The following CLEC6A variants were observed in gnomAD, a reference collection of about 807,000 sequenced individuals.
CLEC6A encodes the protein C-type lectin domain containing 6A.
In CLEC6A, 22 loss-of-function variants were observed where a neutral mutation model predicts 25.7. The ratio of observed to expected loss-of-function variants is 0.85; its 90% confidence interval spans 0.61 to 1.22. The LOEUF is 1.22. Ranked by LOEUF, CLEC6A falls within the 50% of genes most tolerant of loss-of-function variation. CLEC6A has a pLI of 0.00. For missense variants in CLEC6A, 240 were observed against 236.8 expected (o/e 1.01, Z -0.09); for synonymous variants, 92 against 76.7 (o/e 1.20, Z -1.04).
At chr12:8,471,154 G>A (rs890752260) in intron 4 of CLEC6A, among the ~76,000 whole-genome samples, 5 of 151,960 alleles carry the variant, frequency 3.3e-5, no homozygotes, top group African/African-American at 1.2e-4. Context: ...GTTTGTCATT[G>A]TGTGTAACCC....
At chr12:8,465,452 TCA>T (rs1283394830) in intron 3 of CLEC6A, 30 bp from the exon 4 acceptor site, 11 of 1,611,662 alleles carry the variant, frequency 6.8e-6, no homozygotes, top group Non-Finnish European at 9.3e-6. Flanking sequence ...TATCTTGCAC[TCA>T]CTCTTTTTTT....
At chr12:8,459,446 C>G in intron 2 of CLEC6A, 151 bp from the exon 3 acceptor site, 1 of 552,078 alleles carries the variant, frequency 1.8e-6, no homozygotes, top group Non-Finnish European at 3.3e-6. Flanking sequence ...TAAGTGAATA[C>G]AAGCAAATAA....
At chr12:8,468,142 C>A (rs900575319) in intron 4 of CLEC6A, among the ~76,000 whole-genome samples, 1 of 152,088 alleles carries the variant, frequency 6.6e-6, no homozygotes, top group African/African-American at 2.4e-5. Flanking sequence ...AGGGTTTCAC[C>A]ATGTTGGCCA....
chr12:8,460,320 T>TC (rs1440605685), intron 3 of CLEC6A, among the ~76,000 whole-genome samples: 1 of 152,164 alleles, frequency 6.6e-6, no homozygotes, highest in African/African-American at 2.4e-5. Flanking sequence ...AAGGTGAAAG[T>TC]CACATCTCAC....
At chr12:8,456,234 A>C in intron 1 of CLEC6A, 92 bp downstream of exon 1, 1 of 1,291,850 alleles carries the variant, frequency 7.7e-7, no homozygotes, top group Non-Finnish European at 1.1e-6. Flanking sequence ...CAGATTGAAG[A>C]GCTAGTGATT....
chr12:8,467,656 T>G (rs1419534603), intron 4 of CLEC6A, among the ~76,000 whole-genome samples: 1 of 152,222 alleles, frequency 6.6e-6, no homozygotes, highest in African/African-American at 2.4e-5. Flanking sequence ...TTCAAGGTTA[T>G]TTTGGCTATT....
intron 4 of CLEC6A, among the ~76,000 whole-genome samples, chr12:8,470,156 A>G (rs1458018239): frequency 1.3e-5 from 2 of 152,284 alleles, no homozygotes; most frequent in South Asian, 2.1e-4. Flanking sequence ...AAGAAGATAT[A>G]CAAATGACCA....
chr12:8,477,346 A>T lies in CLEC6A; in HGVS notation c.512A>T (p.His171Leu). Residue 171 changes from histidine to leucine, a missense_variant, in exon 6 of 6, where the codon CAT (histidine) becomes CTT (leucine). Physicochemically the swap from His to Leu is moderately conservative, Grantham distance 99. Transcript: ENST00000382073. ...VRFWHLGEPN[H>L]SAEQCASIVF... ...TTTTGGCACCTAGGTGAGCCCAATC[A>T]TTCTGCAGAGCAATGTGCTTCAATA... The T allele has an allele frequency of 6.2e-7, 1 of 1,611,458 alleles. No individual in the cohort carries two copies. Among genetic ancestry groups the T allele is most frequent in the Non-Finnish European group, 8.5e-7 (1 of 1,178,518 alleles).
At chr12:8,461,398 A>G (rs532751776) in intron 3 of CLEC6A, among the ~76,000 whole-genome samples, 3 of 152,228 alleles carry the variant, frequency 2.0e-5, no homozygotes, top group Non-Finnish European at 4.4e-5. Flanking sequence ...ATTTTCCTGG[A>G]AACAACAATG....
chr12:8,468,170 T>G (rs1247641023), intron 4 of CLEC6A, among the ~76,000 whole-genome samples: 1 of 152,212 alleles, frequency 6.6e-6, no homozygotes, highest in African/African-American at 2.4e-5. Context: ...CTTGAACTCC[T>G]GACTTCAAGT....
At chr12:8,461,295 G>T in intron 3 of CLEC6A, 2 of 541,348 alleles carry the variant, frequency 3.7e-6, no homozygotes, top group Non-Finnish European at 3.3e-6. Context: ...AAAAAAACAA[G>T]AAAAGAAAAG....
chr12:8,469,337 A>T (rs1034825687), intron 4 of CLEC6A, among the ~76,000 whole-genome samples: 1 of 152,184 alleles, frequency 6.6e-6, no homozygotes, highest in African/African-American at 2.4e-5. Context: ...TAGAATCAAT[A>T]TTGTTAAAAT....
chr12:8,468,951 G>T (rs891799414), intron 4 of CLEC6A, among the ~76,000 whole-genome samples: 2 of 152,014 alleles, frequency 1.3e-5, no homozygotes, highest in African/African-American at 4.8e-5. Context: ...AATCAGACAA[G>T]AGAAAAAAAC....
chr12:8,459,736 C>A, intron 3 of CLEC6A, 38 bp downstream of exon 3: 1 of 1,357,616 alleles, frequency 7.4e-7, no homozygotes. Context: ...TTTCTTTTTT[C>A]TCAGGGAGAG....
At chr12:8,461,698 A>G (rs1182988225) in intron 3 of CLEC6A, among the ~76,000 whole-genome samples, 1 of 152,214 alleles carries the variant, frequency 6.6e-6, no homozygotes, top group Non-Finnish European at 1.5e-5. Context: ...AAAAGTCCAT[A>G]CACAAAATTT....
At chr12:8,468,560 T>C (rs998314045) in intron 4 of CLEC6A, among the ~76,000 whole-genome samples, 3 of 152,222 alleles carry the variant, frequency 2.0e-5, no homozygotes, top group African/African-American at 7.2e-5. Context: ...TCTTGCCTTG[T>C]TCTGAATCTT....
intron 3 of CLEC6A, among the ~76,000 whole-genome samples, chr12:8,464,360 C>T (rs1407063497): frequency 2.0e-5 from 3 of 150,198 alleles, no homozygotes; most frequent in Admixed American, 6.6e-5. Context: ...GACGGAGTCT[C>T]TCTCTGTCGC....
At chr12:8,468,129 G>A (rs1168533108) in intron 4 of CLEC6A, among the ~76,000 whole-genome samples, 1 of 152,046 alleles carries the variant, frequency 6.6e-6, no homozygotes, top group Non-Finnish European at 1.5e-5. Context: ...TTTTAGTAGA[G>A]ATAGGGTTTC....
chr12:8,459,488 A>C, intron 2 of CLEC6A, 109 bp from the exon 3 acceptor site: 1 of 666,422 alleles, frequency 1.5e-6, no homozygotes, highest in Non-Finnish European at 2.8e-6. Context: ...GGGCTTGCCT[A>C]GAGAAACAGC....
Sources: allele counts gnomAD v4.1 joint callset (sites outside exome capture counted in the v4.1 genomes callset), GRCh38; gene constraint gnomAD v4.1.1; transcripts MANE v1.5; gene names NCBI Gene and HGNC (gene_info 2026-07-23, HGNC 2026-07-21).